MLPH: variants seen among roughly 807,000 people sequenced by gnomAD.
MLPH encodes exophilin-3.
In MLPH, 51 loss-of-function variants were observed where a neutral mutation model predicts 72.1. That is an observed-to-expected ratio of 0.71 (90% confidence interval 0.56 to 0.89). The LOEUF (loss-of-function observed/expected upper bound fraction) is 0.89. Among genes scored for constraint, MLPH ranks in the 40% least tolerant of loss-of-function variants. The pLI is 0.00. For missense variants in MLPH, 743 were observed against 759.9 expected (o/e 0.98, Z 0.26); for synonymous variants, 301 against 310.1 (o/e 0.97, Z 0.31).
rs371220674 is a variant in MLPH at position 237,490,678 on chromosome 2, CT to C, written c.-24-2717del. 3.6e-3 allele frequency among the ~76,000 whole-genome samples: 554 copies of C among 152,004 alleles called. 12 individuals are homozygous for C. The South Asian group carries it at 0.041, about 11-fold the overall frequency. ...TCGGTGAATGCTCTTCTTATGATCC[CT>C]TTTTTTTCAGAACTCATGAAAAATA... is the stretch of plus-strand genomic sequence containing the variant. On this transcript the variant is annotated intron_variant, in intron 1 of 15. Transcript: ENST00000264605.
intron 14 of MLPH, chr2:237,552,057 G>A (rs2081051053): frequency 2.3e-5 from 10 of 432,220 alleles, no homozygotes; most frequent in South Asian, 2.3e-4. Context: ...AGTGTGATGG[G>A]CCTTTCTGCT....
intron 12 of MLPH, among the ~76,000 whole-genome samples, chr2:237,546,226 C>T (rs903144879): frequency 2.6e-5 from 4 of 152,078 alleles, no homozygotes; most frequent in Admixed American, 6.5e-5. Flanking sequence ...TTTACAGAAG[C>T]GATAGGGGAA....
At chr2:237,534,693 T>C (rs1026597758) in intron 9 of MLPH, 46 bp downstream of exon 9, 1 of 1,469,476 alleles carries the variant, frequency 6.8e-7, no homozygotes, top group Non-Finnish European at 9.5e-7. Context: ...CACAGCTCCT[T>C]AGTTAAAGGA....
chr2:237,554,889 T>A lies in MLPH; in HGVS notation c.*1297T>A, dbSNP rs1396921269. The stretch of plus-strand genomic sequence containing the variant: ...ACCTGTGAGCACACATTAGCAGCTG[T>A]TTCTCTGACTCCTTGTGGCATCAGA... On this transcript the variant is annotated 3_prime_UTR_variant, in exon 16 of 16. Transcript: ENST00000264605. The A allele has an allele frequency of 6.6e-6, 1 of 152,250 alleles. No homozygotes were observed. Among genetic ancestry groups the A allele is most frequent in the South Asian group, 2.1e-4 (1 of 4,834 alleles). The allele number at this position is 152,250 out of a possible 1,614,324, so 9.4% of individuals were successfully genotyped here.
chr2:237,500,354 G>A (rs1275745372), intron 2 of MLPH, among the ~76,000 whole-genome samples: 9 of 152,202 alleles, frequency 5.9e-5, no homozygotes, highest in Non-Finnish European at 8.8e-5. Flanking sequence ...GGAAATGTTC[G>A]TATCTGCATG....
In MLPH at chr2:237,518,538, G is replaced by T. The variant is rs2080103067; in HGVS notation, c.446-1G>T. 1.2e-6 allele frequency: 2 copies of T among 1,611,588 alleles called. No homozygotes were observed. Among genetic ancestry groups the T allele is most frequent in the Non-Finnish European group, 1.7e-6 (2 of 1,178,664 alleles). ...TGGAGTCATGCAGGTATCTATTGCAGCTGGGCCTGAACTGATATCTGAAGA... is the reference window on the plus strand; with the variant it reads ...TGGAGTCATGCAGGTATCTATTGCATCTGGGCCTGAACTGATATCTGAAGA... On this transcript the variant is annotated splice_acceptor_variant, in intron 4 of 15. Coordinates refer to ENST00000264605, the MANE Select transcript of MLPH (RefSeq NM_024101.7). LOFTEE classifies it high-confidence loss of function.
rs756623931 is a variant in MLPH at position 237,540,819 on chromosome 2, T to C, written c.1308T>C (p.His436=). 6.2e-7 allele frequency: 1 copy of C among 1,612,976 alleles called. No homozygotes were observed. Among genetic ancestry groups the C allele is most frequent in the Admixed American group, 1.7e-5 (1 of 60,006 alleles). Reference sequence around the variant, plus strand: ...TTTCCTAGGTGGGCACGGCTGCCCATCAAACCAACAGACAGGAAAAAAGCC... The same window carrying C: ...TTTCCTAGGTGGGCACGGCTGCCCACCAAACCAACAGACAGGAAAAAAGCC... The part of the protein sequence containing the change: ...QADPEVGTAA[H]QTNRQEKSPQ... Residue 436 remains histidine (H), a synonymous_variant, in exon 11 of 16, where the codon CAT becomes CAC. Transcript: ENST00000264605.
intron 6 of MLPH, among the ~76,000 whole-genome samples, chr2:237,521,038 G>A (rs1476692998): frequency 2.0e-5 from 3 of 152,240 alleles, no homozygotes; most frequent in Non-Finnish European, 2.9e-5. Context: ...TTCAGGTGGA[G>A]TGGTATGGTT....
At chr2:237,518,772 G>A (rs1170677197) in intron 5 of MLPH, 124 bp downstream of exon 5, 1 of 756,624 alleles carries the variant, frequency 1.3e-6, no homozygotes. Flanking sequence ...TCTACTGCAT[G>A]AGCACCAAGA....
chr2:237,548,216 G>A (rs895843246), intron 13 of MLPH, among the ~76,000 whole-genome samples: 8 of 152,192 alleles, frequency 5.3e-5, no homozygotes, highest in African/African-American at 1.7e-4. Flanking sequence ...CTCTTCTCTG[G>A]TGGGGGCGCT....
chr2:237,489,847 C>A (rs752613068), intron 1 of MLPH, among the ~76,000 whole-genome samples: 2 of 152,122 alleles, frequency 1.3e-5, no homozygotes, highest in South Asian at 4.1e-4. Flanking sequence ...AACTCTTTAG[C>A]GGATAAAGAT....
chr2:237,504,439 A>C (rs6718401), intron 2 of MLPH, among the ~76,000 whole-genome samples: 16,508 of 152,132 alleles, frequency 0.11, 2,662 homozygotes, highest in African/African-American at 0.35. Context: ...GCTGGTCTCG[A>C]ACTCCTGACC....
chr2:237,499,048 A>T (rs995484716), intron 2 of MLPH, among the ~76,000 whole-genome samples: 1 of 151,334 alleles, frequency 6.6e-6, no homozygotes, highest in Admixed American at 6.5e-5. Flanking sequence ...CTGGCCCATT[A>T]TTGGAATAAA....
At chr2:237,537,713 A>T (rs2080566561) in intron 9 of MLPH, 1 of 152,192 alleles carries the variant, frequency 6.6e-6, no homozygotes, top group Non-Finnish European at 1.5e-5. Flanking sequence ...AAATTAAATG[A>T]TCATGTGCAA....
intron 2 of MLPH, among the ~76,000 whole-genome samples, chr2:237,500,111 T>C (rs1482172077): frequency 6.6e-6 from 1 of 152,236 alleles, no homozygotes; most frequent in African/African-American, 2.4e-5. Flanking sequence ...TCAGCACTCA[T>C]TGAGCCCTCT....
chr2:237,549,205 ACT>A lies in MLPH; in HGVS notation c.1618-13_1618-12del, dbSNP rs1267752971. 3 of 1,612,924 alleles carry A rather than the reference ACT, an allele frequency of 1.9e-6. No homozygotes were observed. The highest frequency in any genetic ancestry group is 3.3e-5 in the Admixed American group (2 of 59,992). ...TCACAACTTGATGAAGCCTGGAGAC[ACT>A]CTGTTTCTTCTAGGCAATGGCTGTG... On this transcript the variant is annotated splice_polypyrimidine_tract_variant and intron_variant, in intron 13 of 15. Coordinates refer to ENST00000264605, the MANE Select transcript of MLPH (RefSeq NM_024101.7).
intron 2 of MLPH, among the ~76,000 whole-genome samples, chr2:237,502,973 G>A (rs1471039963): frequency 6.6e-6 from 1 of 151,956 alleles, no homozygotes; most frequent in Non-Finnish European, 1.5e-5. Flanking sequence ...ACAAAAATTA[G>A]CCAGCCATGA....
chr2:237,517,668 A>G (rs1327621312), intron 4 of MLPH, among the ~76,000 whole-genome samples: 12 of 125,934 alleles, frequency 9.5e-5, no homozygotes, highest in South Asian at 2.7e-4. Context: ...TGGGTAGGTG[A>G]ATGAGTGGGT....
intron 8 of MLPH, among the ~76,000 whole-genome samples, chr2:237,533,400 T>G (rs2080465111): frequency 6.9e-6 from 1 of 144,854 alleles, no homozygotes; most frequent in Non-Finnish European, 1.5e-5. Context: ...CTTTTTTTTT[T>G]TTTTTTTTTT....
Sources: allele counts gnomAD v4.1 joint callset (sites outside exome capture counted in the v4.1 genomes callset), GRCh38; gene constraint gnomAD v4.1.1; transcripts MANE v1.5; gene names NCBI Gene and HGNC (gene_info 2026-07-23, HGNC 2026-07-21).